CDS2: variants seen among roughly 807,000 people sequenced by gnomAD.
CDS2 encodes CDP-diacylglycerol synthase 2.
A neutral mutation model predicts 59.0 loss-of-function variants in CDS2; 47 were observed. That is an observed-to-expected ratio of 0.80 (90% confidence interval 0.63 to 1.02). The LOEUF is 1.02. CDS2 is among the 50% of genes least tolerant of loss of function. The probability of loss-of-function intolerance (pLI) is 0.00; values close to 1 mark genes in which losing one functional copy is unlikely to be tolerated. For missense variants in CDS2, 356 were observed against 558.9 expected, an observed-to-expected ratio of 0.64 and a Z score of 3.66; for synonymous variants, 207 against 206.4, an observed-to-expected ratio of 1.00 and a Z score of -0.02.
At chr20:5,188,824 C>T (rs1484099827) in intron 10 of CDS2, among the ~76,000 whole-genome samples, 45 of 152,130 alleles carry the variant, frequency 3.0e-4, no homozygotes, top group Admixed American at 2.9e-3. Context: ...GGCTTCATCA[C>T]TTCATAACAA....
intron 1 of CDS2, among the ~76,000 whole-genome samples, chr20:5,130,163 C>T (rs972179265): frequency 1.3e-5 from 2 of 151,678 alleles, no homozygotes; most frequent in African/African-American, 2.4e-5. Context: ...TTAGTAGAGA[C>T]GAGGTTTCAC....
intron 1 of CDS2, among the ~76,000 whole-genome samples, chr20:5,131,513 T>C (rs2090607726): frequency 6.6e-6 from 1 of 152,242 alleles, no homozygotes; most frequent in Non-Finnish European, 1.5e-5. Context: ...TTTCAGGAGA[T>C]TTTGTTTCGG....
chr20:5,181,366 G>A (rs1818511902), intron 5 of CDS2, among the ~76,000 whole-genome samples: 1 of 152,118 alleles, frequency 6.6e-6, no homozygotes, highest in South Asian at 2.1e-4. Context: ...GTCCCTTTGG[G>A]GTTCACCAGA....
chr20:5,175,396 G>A, intron 3 of CDS2, 117 bp downstream of exon 3: 1 of 761,394 alleles, frequency 1.3e-6, no homozygotes, highest in Non-Finnish European at 2.3e-6. Context: ...AGGCTTCTCA[G>A]AAAACCTCTG....
Position 5,190,341 on chromosome 20 carries a change from C to CTTTTT in CDS2, c.*119_*123dup. 5.8e-6 allele frequency: 4 copies of CTTTTT among 688,586 alleles called. No individual in the cohort carries two copies. The highest frequency in any genetic ancestry group is 3.2e-5 in the South Asian group (1 of 31,230). The allele number at this position is 688,586 out of a possible 1,614,324, so 42.7% of individuals were successfully genotyped here. A position where few individuals can be genotyped will look rare whatever the true frequency, so the allele number is the denominator to read the frequency against. On this transcript the variant is annotated 3_prime_UTR_variant, in exon 13 of 13. Transcript: ENST00000460006. Reference sequence around the variant, plus strand: ...CAATGACGAGGCTTCAACTCACTGTCTTTTTTTTTTTTTTTTGGAGGGTAT... The same window carrying CTTTTT: ...CAATGACGAGGCTTCAACTCACTGTCTTTTTTTTTTTTTTTTTTTTTGGAGGGTAT...
rs773575866 is a variant in CDS2, at chr20:5,145,822, G to GGTTTTTTTTTTTTT, written c.57+18673_57+18674insGTTTTTTTTTTTTT. On this transcript the variant is annotated intron_variant, in intron 1 of 12. Coordinates refer to ENST00000460006, the MANE Select transcript of CDS2 (RefSeq NM_003818.4). The stretch of plus-strand genomic sequence containing the variant: ...CCAAGTTGTGTGTTTTGCTTTTTGT[G>GGTTTTTTTTTTTTT]TTTTTTTTTTTTTTTTTTTGAGACA... Among the ~76,000 whole-genome samples the GGTTTTTTTTTTTTT allele has an allele frequency of 3.3e-3, 427 of 129,166 alleles. 7 individuals are homozygous for GGTTTTTTTTTTTTT. The highest frequency in any genetic ancestry group is 7.7e-3 in the East Asian group (33 of 4,292). The allele number at this position is 129,166 out of a possible 152,430, so 84.7% of individuals were successfully genotyped here. A position where few individuals can be genotyped will look rare whatever the true frequency, so the allele number is the denominator to read the frequency against.
At position 5,172,967 on chromosome 20, in the gene CDS2, G is replaced by GTCCTCCTGCCAGTAC. The variant is rs1427684493; in HGVS notation, c.58-552_58-551insCCTGCCAGTACTCCT. On this transcript the variant is annotated intron_variant, in intron 1 of 12. Coordinates refer to ENST00000460006, the MANE Select transcript of CDS2 (RefSeq NM_003818.4). ...GCAGGGAAAGGACTGAGGTGCACCAGTCCTGGCTCGAGCGTTGTCTGGAGT... is the reference window on the plus strand; with the variant it reads ...GCAGGGAAAGGACTGAGGTGCACCAGTCCTCCTGCCAGTACTCCTGGCTCGAGCGTTGTCTGGAGT... Among the ~76,000 whole-genome samples, 9 of 152,336 alleles carry GTCCTCCTGCCAGTAC rather than the reference G, an allele frequency of 5.9e-5. No individual in the cohort carries two copies. The East Asian group carries it at 1.7e-3, about 29-fold the overall frequency.
rs1326330829 is a variant in CDS2, at chr20:5,194,936, C to T, written c.*4702C>T. The T allele has an allele frequency of 6.6e-6, 1 of 152,156 alleles. No homozygotes were observed. Among genetic ancestry groups the T allele is most frequent in the Non-Finnish European group, 1.5e-5 (1 of 68,040 alleles). The allele number at this position is 152,156 out of a possible 1,614,324, so 9.4% of individuals were successfully genotyped here. On this transcript the variant is annotated 3_prime_UTR_variant, in exon 13 of 13. Coordinates refer to ENST00000460006, the MANE Select transcript of CDS2 (RefSeq NM_003818.4). ...ACGTTATCCCTTTTAATCCAGAAAACAGCCTTTGATTAGGTATTGTTGTCT... is the reference window on the plus strand; with the variant it reads ...ACGTTATCCCTTTTAATCCAGAAAATAGCCTTTGATTAGGTATTGTTGTCT...
chr20:5,173,679 C>T lies in CDS2; in HGVS notation c.194+20C>T. On this transcript the variant is annotated intron_variant, in intron 2 of 12. Transcript: ENST00000460006. ...TTCAAGGTAACCTGGCTTAATGATG[C>T]AGGTGCTTGTTGGGGGCTTTGCACC... is the stretch of plus-strand genomic sequence containing the variant. The T allele has an allele frequency of 6.2e-7, 1 of 1,613,562 alleles. No homozygotes were observed. Among genetic ancestry groups the T allele is most frequent in the Non-Finnish European group, 8.5e-7 (1 of 1,179,578 alleles).
intron 5 of CDS2, among the ~76,000 whole-genome samples, chr20:5,181,359 C>A (rs976164578): frequency 6.6e-6 from 1 of 152,068 alleles, no homozygotes; most frequent in African/African-American, 2.4e-5. Flanking sequence ...CAGTATTGTC[C>A]CTTTGGGGTT....
intron 11 of CDS2, 134 bp from the exon 12 acceptor site, chr20:5,189,601 T>G (rs2091097129): frequency 3.0e-6 from 2 of 677,942 alleles, no homozygotes; most frequent in Non-Finnish European, 5.3e-6. Flanking sequence ...GCCTCACCAT[T>G]AGATTTCATA....
In CDS2 at chr20:5,194,802, C is replaced by G. The variant is rs936073630; in HGVS notation, c.*4568C>G. The G allele has an allele frequency of 2.0e-5, 3 of 151,908 alleles. No individual in the cohort carries two copies. Among genetic ancestry groups the G allele is most frequent in the African/African-American group, 7.3e-5 (3 of 41,316 alleles). The allele number at this position is 151,908 out of a possible 1,614,324, so 9.4% of individuals were successfully genotyped here. A position where few individuals can be genotyped will look rare whatever the true frequency, so the allele number is the denominator to read the frequency against. ...CCCATCAAATGCCTACCTACTGAGG[C>G]GCCTTCTCTTTTTATTCTTGAGCCA... On this transcript the variant is annotated 3_prime_UTR_variant, in exon 13 of 13. Transcript: ENST00000460006.
chr20:5,159,487 G>GT (rs1296039994), intron 1 of CDS2, among the ~76,000 whole-genome samples: 1 of 151,948 alleles, frequency 6.6e-6, no homozygotes, highest in Admixed American at 6.5e-5. Flanking sequence ...GTATATTATA[G>GT]TTTTTTTCTT....
At position 5,182,428 on chromosome 20, in the gene CDS2, C is replaced by T. The variant is rs201613534; in HGVS notation, c.571C>T (p.Arg191Ter). 1.9e-6 allele frequency: 3 copies of T among 1,612,176 alleles called. No homozygotes were observed. Among genetic ancestry groups the T allele is most frequent in the East Asian group, 2.2e-5 (1 of 44,726 alleles). ...FVLSLVKKHY[R>*]LQFYMFGWTH... Reference sequence around the variant, plus strand: ...ACTGAGTCTGGTCAAGAAGCATTATCGACTGCAGTTCTACATGGTAAAGGA... The same window carrying T: ...ACTGAGTCTGGTCAAGAAGCATTATTGACTGCAGTTCTACATGGTAAAGGA... The change falls in exon 6 of 13, where the codon CGA becomes TGA. Residue 191 changes from arginine (R) to a stop codon, truncating the protein, a stop_gained. Transcript: ENST00000460006. LOFTEE classifies it high-confidence loss of function.
intron 1 of CDS2, among the ~76,000 whole-genome samples, chr20:5,150,224 C>A (rs1416577425): frequency 1.3e-5 from 2 of 152,172 alleles, no homozygotes; most frequent in Admixed American, 6.5e-5. Context: ...CTCAGCAGGG[C>A]TGACCATGCA....
Position 5,185,541 on chromosome 20 carries a change from A to G in CDS2, c.760-217A>G, listed in dbSNP as rs933640531. ...CTTAATTAGTATATCGTTTTCTAAT[A>G]TAAAACTATTCGAATGACTGATTGA... On this transcript the variant is annotated intron_variant, in intron 8 of 12. Transcript: ENST00000460006. 2.6e-5 allele frequency among the ~76,000 whole-genome samples: 4 copies of G among 152,346 alleles called. No homozygotes were observed. The South Asian group carries it at 6.2e-4, about 24-fold the overall frequency.
chr20:5,173,485 C>T (rs1295565189), intron 1 of CDS2, 38 bp from the exon 2 acceptor site: 3 of 1,612,400 alleles, frequency 1.9e-6, no homozygotes, highest in Non-Finnish European at 2.5e-6. Flanking sequence ...CTACTCGGCA[C>T]TTTTGACCTT....
At chr20:5,135,878 A>G (rs768936830) in intron 1 of CDS2, among the ~76,000 whole-genome samples, 45 of 152,166 alleles carry the variant, frequency 3.0e-4, no homozygotes, top group Admixed American at 1.3e-3. Flanking sequence ...CTCATGCCAC[A>G]CTGTGGTTCT....
intron 3 of CDS2, chr20:5,176,384 C>A (rs2090995259): frequency 5.4e-6 from 2 of 372,154 alleles, no homozygotes; most frequent in Non-Finnish European, 1.0e-5. Context: ...CGGTGAAACC[C>A]TGTCTTAAAA....
Sources: gnomAD v4.1 joint callset for allele counts (sites outside exome capture counted in the v4.1 genomes callset) on GRCh38, gnomAD v4.1.1 for gene constraint, MANE v1.5 for transcripts, NCBI Gene and HGNC (gene_info 2026-07-23, HGNC 2026-07-21) for gene names.